The following CPEB1 variants were observed in gnomAD, a reference collection of about 807,000 sequenced individuals.
The protein encoded by CPEB1 is cytoplasmic polyadenylation element binding protein 1, also known as cytoplasmic polyadenylation element-binding protein 1.
CPEB1 carries 7 observed loss-of-function variants against 65.8 expected under a neutral mutation model. The ratio of observed to expected loss-of-function variants is 0.11; its 90% CI spans 0.06 to 0.20. The LOEUF (loss-of-function observed/expected upper bound fraction) is 0.20, where lower values mean the gene tolerates loss of function less well. Among genes scored for constraint, CPEB1 ranks in the 10% least tolerant of loss-of-function variants. The pLI is 1.00. For missense variants in CPEB1, 551 were observed against 712.2 expected, an observed-to-expected ratio of 0.77 and a Z score of 2.58; for synonymous variants, 262 against 260.0, an observed-to-expected ratio of 1.01 and a Z score of -0.08.
At chr15:82,629,538 G>A (rs760484204) in intron 1 of CPEB1, 5 of 985,228 alleles carry the variant, frequency 5.1e-6, no homozygotes, top group Non-Finnish European at 6.0e-6. Flanking sequence ...CCATCCACCA[G>A]ATGCCCAAAG....
In CPEB1 at chr15:82,552,279, C is replaced by T. The variant is rs181692441; in HGVS notation, c.1281+201G>A. On this transcript the variant is annotated intron_variant, in intron 9 of 12. Transcript: ENST00000684509. Reference sequence around the variant, plus strand: ...ATGCGCATGTGTGCATGCACACACCCCATTAAGTCCCAAAGGTTGCTTTTT... The same window carrying T: ...ATGCGCATGTGTGCATGCACACACCTCATTAAGTCCCAAAGGTTGCTTTTT... Among the ~76,000 whole-genome samples the T allele has an allele frequency of 3.0e-3, 443 of 149,748 alleles. 1 individual carries two copies. The highest frequency in any genetic ancestry group is 6.9e-3 in the Middle Eastern group (2 of 288).
At chr15:82,563,357 C>T (rs369008906) in intron 4 of CPEB1, among the ~76,000 whole-genome samples, 76 of 92,016 alleles carry the variant, frequency 8.3e-4, no homozygotes, top group Middle Eastern at 7.9e-3. Context: ...CATCTCTATT[C>T]TTTTTTTTTT....
At chr15:82,566,671 C>G (rs2039180451) in intron 4 of CPEB1, among the ~76,000 whole-genome samples, 1 of 152,054 alleles carries the variant, frequency 6.6e-6, no homozygotes. Context: ...ATATTCATGT[C>G]CCTTGTAAGG....
intron 3 of CPEB1, among the ~76,000 whole-genome samples, chr15:82,585,391 G>T (rs2041710383): frequency 6.6e-6 from 1 of 152,144 alleles, no homozygotes; most frequent in African/African-American, 2.4e-5. Context: ...AGCAGATGGG[G>T]GTGGTACCAT....
intron 3 of CPEB1, among the ~76,000 whole-genome samples, chr15:82,617,475 A>AG (rs1385869924): frequency 2.0e-5 from 3 of 152,210 alleles, no homozygotes; most frequent in African/African-American, 7.2e-5. Flanking sequence ...CACAGTCTGG[A>AG]GGAGCCCACA....
At chr15:82,577,685 T>C (rs963575249) in intron 3 of CPEB1, among the ~76,000 whole-genome samples, 13 of 152,184 alleles carry the variant, frequency 8.5e-5, no homozygotes, top group East Asian at 5.8e-4. Context: ...TGGCTAATTT[T>C]TTTGGGAAGT....
chr15:82,603,421 C>T (rs1383744093), intron 3 of CPEB1, among the ~76,000 whole-genome samples: 2 of 150,654 alleles, frequency 1.3e-5, no homozygotes, highest in East Asian at 3.9e-4. Flanking sequence ...CATTAGGCAA[C>T]AGTTTAGGAA....
chr15:82,578,825 T>G (rs760163060), intron 3 of CPEB1, among the ~76,000 whole-genome samples: 22 of 152,226 alleles, frequency 1.4e-4, no homozygotes, highest in Non-Finnish European at 2.8e-4. Flanking sequence ...AAATTACATG[T>G]TTTTTTGTTT....
chr15:82,636,927 A>G (rs527650422), intron 1 of CPEB1, among the ~76,000 whole-genome samples: 31 of 152,308 alleles, frequency 2.0e-4, no homozygotes, highest in Middle Eastern at 3.4e-3. Flanking sequence ...CTCAGCCACT[A>G]AAGTCATTTT....
rs1000635371 is a variant in CPEB1 at position 82,564,540 on chromosome 15, G to A, written c.461-6554C>T. Among the ~76,000 whole-genome samples the A allele has an allele frequency of 2.6e-5, 4 of 152,216 alleles. No homozygotes were observed. The East Asian group carries it at 5.8e-4, about 22-fold the overall frequency. On this transcript the variant is annotated intron_variant, in intron 4 of 12. Transcript: ENST00000684509. ...GATCTCCTGACCTTGTGATCCACCCGCCTCAGCCTCCCAAAGGGCTGGAAT... is the reference window on the plus strand; with the variant it reads ...GATCTCCTGACCTTGTGATCCACCCACCTCAGCCTCCCAAAGGGCTGGAAT...
Position 82,544,360 on chromosome 15 carries a change from A to T in CPEB1, c.*232T>A. 3.1e-6 allele frequency: 1 copy of T among 319,480 alleles called. No individual in the cohort carries two copies. The highest frequency in any genetic ancestry group is 5.9e-5 in the South Asian group (1 of 16,856). The allele number at this position is 319,480 out of a possible 1,614,324, so 19.8% of individuals were successfully genotyped here. On this transcript the variant is annotated 3_prime_UTR_variant, in exon 13 of 13. Coordinates refer to ENST00000684509, the MANE Select transcript of CPEB1 (RefSeq NM_001365242.1). ...AAAACTACAGAGTCGCTTGGAGGGT[A>T]AGCCAGAGGGTCCTTGCCCTTGGTA...
At chr15:82,591,622 A>G (rs1358954252) in intron 3 of CPEB1, among the ~76,000 whole-genome samples, 1 of 152,030 alleles carries the variant, frequency 6.6e-6, no homozygotes, top group Non-Finnish European at 1.5e-5. Flanking sequence ...CTTGTTGTCC[A>G]CATGTATGTC....
intron 1 of CPEB1, among the ~76,000 whole-genome samples, chr15:82,637,399 G>A (rs1328825850): frequency 6.6e-6 from 1 of 152,064 alleles, no homozygotes; most frequent in African/African-American, 2.4e-5. Flanking sequence ...GGGCCTCTTG[G>A]TTATACCTGC....
Position 82,571,346 on chromosome 15 carries a change from G to C in CPEB1, c.458C>G (p.Ser153Trp), listed in dbSNP as rs376051599. The C allele has an allele frequency of 3.1e-6, 5 of 1,610,752 alleles. No homozygotes were observed. The African/African-American group carries it at 6.7e-5, about 22-fold the overall frequency. Reference protein sequence around the residue: ...SDSSAQSSTHSVLSMLHNPLG... With the variant: ...SDSSAQSSTHWVLSMLHNPLG... ...CCAACTCATTCTCTGGCACTCACCC[G>C]AGTGTGTGCTGCTCTGGGCTGAGGA... The change falls in exon 4 of 13, where the codon TCG becomes TGG. Residue 153 changes from serine to tryptophan, a missense_variant and splice_region_variant. By Grantham distance (177) the Ser-to-Trp change is radical. Transcript: ENST00000684509.
At chr15:82,582,877 G>A (rs986344635) in intron 3 of CPEB1, among the ~76,000 whole-genome samples, 5 of 151,620 alleles carry the variant, frequency 3.3e-5, no homozygotes, top group East Asian at 3.9e-4. Flanking sequence ...TGAGTAGCTC[G>A]GACAACAGAC....
chr15:82,547,836 T>G (rs1210494620), intron 10 of CPEB1, among the ~76,000 whole-genome samples: 1 of 152,054 alleles, frequency 6.6e-6, no homozygotes, highest in East Asian at 1.9e-4. Context: ...CATGCCTGGC[T>G]AATTTTTGTA....
intron 3 of CPEB1, among the ~76,000 whole-genome samples, chr15:82,607,154 G>A (rs1401476976): frequency 8.4e-6 from 1 of 118,784 alleles, no homozygotes; most frequent in Non-Finnish European, 1.7e-5. Flanking sequence ...CAGAAAAATG[G>A]CAGGTGTATA....
At chr15:82,568,614 T>A (rs2039528786) in intron 4 of CPEB1, among the ~76,000 whole-genome samples, 1 of 152,158 alleles carries the variant, frequency 6.6e-6, no homozygotes, top group Non-Finnish European at 1.5e-5. Flanking sequence ...ATAGCAGAAG[T>A]ACTCTGGCCC....
chr15:82,622,214 G>T (rs2045364643), intron 3 of CPEB1, among the ~76,000 whole-genome samples: 1 of 152,058 alleles, frequency 6.6e-6, no homozygotes, highest in African/African-American at 2.4e-5. Context: ...AGTTGTTGGG[G>T]TAGGAAATCC....
Sources: allele counts gnomAD v4.1 joint callset (sites outside exome capture counted in the v4.1 genomes callset), GRCh38; gene constraint gnomAD v4.1.1; transcripts MANE v1.5; gene names NCBI Gene and HGNC (gene_info 2026-07-23, HGNC 2026-07-21).